The following FAT3 variants were observed in gnomAD, a reference collection of about 807,000 sequenced individuals.
FAT3 encodes the protein FAT atypical cadherin 3.
Under a neutral mutation model 310.2 loss-of-function variants are expected in FAT3, and 95 were observed. The observed-to-expected ratio is 0.31, with a 90% CI of 0.26 to 0.36. The LOEUF (loss-of-function observed/expected upper bound fraction) is 0.36, where lower values mean the gene tolerates loss of function less well. Among genes scored for constraint, FAT3 ranks in the 10% least tolerant of loss-of-function variants. The pLI is 1.00. For missense variants in FAT3, 5,408 were observed against 5,715.6 expected (o/e 0.95, Z 1.74); for synonymous variants, 2,314 against 2,192.9 (o/e 1.06, Z -1.54).
At chr11:92,608,730 A>AATAATAATAATAATAATC (rs1411500396) in intron 3 of FAT3, among the ~76,000 whole-genome samples, 2 of 150,826 alleles carry the variant, frequency 1.3e-5, no homozygotes, top group African/African-American at 4.9e-5. Flanking sequence ...CAATAATAAT[A>AATAATAATAATAATAATC]ATAATAATAA....
intron 1 of FAT3, among the ~76,000 whole-genome samples, chr11:92,261,314 T>C (rs1456062176): frequency 6.6e-6 from 1 of 152,106 alleles, no homozygotes; most frequent in African/African-American, 2.4e-5. Flanking sequence ...CTTTAAGCTA[T>C]TGTCTCCAAC....
chr11:92,242,952 T>A (rs372541715), intron 1 of FAT3, among the ~76,000 whole-genome samples: 10 of 151,872 alleles, frequency 6.6e-5, no homozygotes, highest in African/African-American at 9.7e-5. Context: ...GGGAAAAAAA[T>A]GTGTACTTTT....
At chr11:92,386,489 C>A (rs986250770) in intron 2 of FAT3, among the ~76,000 whole-genome samples, 3 of 152,212 alleles carry the variant, frequency 2.0e-5, no homozygotes, top group African/African-American at 7.2e-5. Context: ...GTCCCTAGTT[C>A]ATTGCCTACT....
chr11:92,594,566 G>T (rs1939607963), intron 3 of FAT3, among the ~76,000 whole-genome samples: 1 of 152,106 alleles, frequency 6.6e-6, no homozygotes, highest in African/African-American at 2.4e-5. Context: ...TATTCAATCA[G>T]CCTGCTAGAC....
intron 4 of FAT3, among the ~76,000 whole-genome samples, chr11:92,723,392 A>G (rs891784308): frequency 3.3e-5 from 5 of 152,134 alleles, no homozygotes; most frequent in Admixed American, 3.3e-4. Context: ...TTCATTGTCC[A>G]TATTATTATT....
chr11:92,637,577 G>A (rs1352874595), intron 3 of FAT3, among the ~76,000 whole-genome samples: 1 of 152,176 alleles, frequency 6.6e-6, no homozygotes. Flanking sequence ...TCAGAGAAGG[G>A]CTTGGCAAAT....
intron 1 of FAT3, among the ~76,000 whole-genome samples, chr11:92,339,800 G>A (rs569977567): frequency 6.6e-6 from 1 of 152,180 alleles, no homozygotes; most frequent in African/African-American, 2.4e-5. Context: ...AAAGCAGAGA[G>A]TGGTTTGAGA....
chr11:92,455,145 C>T (rs2135083836), intron 2 of FAT3, among the ~76,000 whole-genome samples: 1 of 152,242 alleles, frequency 6.6e-6, no homozygotes, highest in Non-Finnish European at 1.5e-5. Context: ...GGGGGAATAT[C>T]CCTGAATATT....
intron 1 of FAT3, among the ~76,000 whole-genome samples, chr11:92,314,004 A>G (rs1333377903): frequency 1.6e-4 from 24 of 152,224 alleles, no homozygotes; most frequent in Non-Finnish European, 5.9e-5. Flanking sequence ...CTAAGTGCCA[A>G]GGATATTTTG....
chr11:92,474,573 A>T (rs777943256), intron 2 of FAT3, among the ~76,000 whole-genome samples: 2 of 152,038 alleles, frequency 1.3e-5, no homozygotes, highest in South Asian at 4.2e-4. Context: ...GTAGGTGTCA[A>T]AAGGCCTTAG....
At chr11:92,631,965 T>C (rs1418035400) in intron 3 of FAT3, among the ~76,000 whole-genome samples, 1 of 152,204 alleles carries the variant, frequency 6.6e-6, no homozygotes, top group East Asian at 1.9e-4. Flanking sequence ...TGGATAGCTG[T>C]ACAATGTATA....
intron 9 of FAT3, 102 bp downstream of exon 9, chr11:92,793,079 T>C: frequency 7.9e-7 from 1 of 1,263,336 alleles, no homozygotes; most frequent in South Asian, 1.4e-5. Context: ...CAGTGGAACA[T>C]CTCTAAATGA....
At chr11:92,406,826 A>G (rs1950146038) in intron 2 of FAT3, 1 of 152,182 alleles carries the variant, frequency 6.6e-6, no homozygotes, top group Admixed American at 6.5e-5. Context: ...GAAATCTCCC[A>G]AGGTGGATCA....
intron 4 of FAT3, among the ~76,000 whole-genome samples, chr11:92,721,216 A>G (rs1244445691): frequency 2.6e-5 from 4 of 152,234 alleles, no homozygotes; most frequent in African/African-American, 9.6e-5. Context: ...AATGCAAGAA[A>G]TAGGTTATTA....
At chr11:92,835,818 G>A (rs1046212288) in intron 15 of FAT3, among the ~76,000 whole-genome samples, 2 of 152,140 alleles carry the variant, frequency 1.3e-5, no homozygotes, top group Non-Finnish European at 2.9e-5. Context: ...GACTTTTCCA[G>A]GGGGAACTCT....
At chr11:92,610,802 T>C (rs1298302087) in intron 3 of FAT3, among the ~76,000 whole-genome samples, 1 of 152,200 alleles carries the variant, frequency 6.6e-6, no homozygotes, top group Non-Finnish European at 1.5e-5. Flanking sequence ...TCCTGCTCAC[T>C]TACAGTGCCT....
At chr11:92,284,947 G>A (rs556114077) in intron 1 of FAT3, among the ~76,000 whole-genome samples, 87 of 152,220 alleles carry the variant, frequency 5.7e-4, no homozygotes, top group African/African-American at 9.6e-4. Flanking sequence ...AGGAGTTTTC[G>A]TCTAGATTGA....
intron 1 of FAT3, among the ~76,000 whole-genome samples, chr11:92,263,833 A>G (rs1009214213): frequency 6.6e-6 from 1 of 151,936 alleles, no homozygotes; most frequent in Non-Finnish European, 1.5e-5. Context: ...TTTGTTAGCC[A>G]TATTTCTAGA....
intron 1 of FAT3, among the ~76,000 whole-genome samples, chr11:92,294,695 T>G (rs924279780): frequency 1.3e-5 from 2 of 151,898 alleles, no homozygotes; most frequent in Non-Finnish European, 2.9e-5. Context: ...TTTGTTCTAT[T>G]GAATATCATC....
Sources: allele counts gnomAD v4.1 joint callset (sites outside exome capture counted in the v4.1 genomes callset), GRCh38; gene constraint gnomAD v4.1.1; transcripts MANE v1.5; gene names NCBI Gene and HGNC (gene_info 2026-07-23, HGNC 2026-07-21).